Variants in DAG1 observed in about 807,000 individuals in gnomAD.
DAG1 encodes dystroglycan 1, also known as dystroglycan 1 (dystrophin-associated glycoprotein 1).
DAG1 carries 8 observed loss-of-function variants against 46.1 expected under a neutral mutation model. The observed-to-expected ratio is 0.17, with a 90% CI of 0.10 to 0.31. The LOEUF (loss-of-function observed/expected upper bound fraction) is 0.31, where lower values mean the gene tolerates loss of function less well. Among genes scored for constraint, DAG1 ranks in the 10% least tolerant of loss-of-function variants. The pLI is 1.00. For synonymous variants in DAG1, 495 were observed against 481.8 expected, an observed-to-expected ratio of 1.03 and a Z score of -0.36; for missense variants, 1,003 against 1,189.9, an observed-to-expected ratio of 0.84 and a Z score of 2.31.
Position 49,533,311 on chromosome 3 carries a change from A to T in DAG1, c.*112A>T. ...ATTGCCCACCGGGAGCCGACACCTG[A>T]CCTAGCACACACTGACACAGGGGCC... On this transcript the variant is annotated 3_prime_UTR_variant, in exon 3 of 3. Transcript: ENST00000308775. 1 of 1,481,084 alleles carries T rather than the reference A, an allele frequency of 6.8e-7. No individual in the cohort carries two copies. Among genetic ancestry groups the T allele is most frequent in the Admixed American group, 1.9e-5 (1 of 52,122 alleles). The allele number at this position is 1,481,084 out of a possible 1,614,324, so 91.7% of individuals were successfully genotyped here. A position where few individuals can be genotyped will look rare whatever the true frequency, so the allele number is the denominator to read the frequency against.
chr3:49,506,304 C>T (rs1483739385), intron 1 of DAG1, among the ~76,000 whole-genome samples: 1 of 152,174 alleles, frequency 6.6e-6, no homozygotes, highest in African/African-American at 2.4e-5. Context: ...CACTTTATTG[C>T]ACTAGCTAGA....
intron 2 of DAG1, among the ~76,000 whole-genome samples, chr3:49,515,948 A>C (rs148468388): frequency 6.6e-6 from 1 of 152,138 alleles, no homozygotes; most frequent in Non-Finnish European, 1.5e-5. Context: ...ATCGAACCCC[A>C]TATGATCTGG....
intron 1 of DAG1, among the ~76,000 whole-genome samples, chr3:49,474,637 C>T (rs938144169): frequency 6.6e-5 from 10 of 152,132 alleles, no homozygotes; most frequent in Non-Finnish European, 1.2e-4. Context: ...CGAGCCACTG[C>T]GCACCGCCCT....
At chr3:49,499,469 A>G (rs532102784) in intron 1 of DAG1, among the ~76,000 whole-genome samples, 4 of 152,222 alleles carry the variant, frequency 2.6e-5, no homozygotes, top group African/African-American at 9.6e-5. Flanking sequence ...GAGTTTTTCT[A>G]TGGATGAGGA....
intron 1 of DAG1, among the ~76,000 whole-genome samples, chr3:49,495,804 CA>C (rs2050295265): frequency 6.6e-6 from 1 of 152,138 alleles, no homozygotes; most frequent in African/African-American, 2.4e-5. Context: ...CCTGTAACCC[CA>C]GCTACTCAGG....
intron 2 of DAG1, among the ~76,000 whole-genome samples, chr3:49,519,622 A>G (rs984429923): frequency 2.6e-5 from 4 of 152,148 alleles, no homozygotes; most frequent in African/African-American, 9.7e-5. Context: ...TGAACAAAGC[A>G]CACCGGGAAA....
chr3:49,506,024 G>A, intron 1 of DAG1, among the ~76,000 whole-genome samples: 1 of 148,534 alleles, frequency 6.7e-6, no homozygotes, highest in Non-Finnish European at 1.5e-5. Context: ...CTGTTGCCCA[G>A]GCTGGAGTGC....
intron 1 of DAG1, among the ~76,000 whole-genome samples, chr3:49,499,208 G>T (rs936297124): frequency 2.6e-5 from 4 of 152,122 alleles, no homozygotes; most frequent in Admixed American, 6.6e-5. Flanking sequence ...AACTAATAGA[G>T]AGCTGTTGTT....
chr3:49,508,824 C>A (rs752323658), intron 1 of DAG1, among the ~76,000 whole-genome samples: 1 of 152,210 alleles, frequency 6.6e-6, no homozygotes, highest in Non-Finnish European at 1.5e-5. Context: ...CCACTGCACC[C>A]GCCCGCCAGG....
chr3:49,499,631 C>T lies in DAG1; in HGVS notation c.-116-10788C>T, dbSNP rs373772124. ...CCTGAGTGGAACAGAGCCGCCTGTT[C>T]CATAAGGCTGTCTGGACAGAATGGG... On this transcript the variant is annotated intron_variant, in intron 1 of 2. Coordinates refer to ENST00000308775, the MANE Select transcript of DAG1 (RefSeq NM_004393.6). Among the ~76,000 whole-genome samples the T allele has an allele frequency of 7.9e-5, 12 of 152,270 alleles. No individual in the cohort carries two copies. In the East Asian group the frequency reaches 2.1e-3, roughly 27 times the overall value.
intron 1 of DAG1, among the ~76,000 whole-genome samples, chr3:49,496,877 G>A (rs1296011626): frequency 2.0e-5 from 3 of 151,758 alleles, no homozygotes; most frequent in Non-Finnish European, 2.9e-5. Flanking sequence ...CACCCACCTC[G>A]GCCTCCCAAA....
At chr3:49,485,048 T>TTA (rs2049986907) in intron 1 of DAG1, among the ~76,000 whole-genome samples, 7 of 149,620 alleles carry the variant, frequency 4.7e-5, no homozygotes, top group Admixed American at 4.7e-4. Flanking sequence ...GTGCAGTAGC[T>TTA]TAATCTCGGC....
At chr3:49,482,485 A>G (rs2049914199) in intron 1 of DAG1, among the ~76,000 whole-genome samples, 1 of 152,176 alleles carries the variant, frequency 6.6e-6, no homozygotes, top group South Asian at 2.1e-4. Flanking sequence ...AAACTGCCCT[A>G]TGGGGGGAGG....
At chr3:49,502,923 CA>C (rs1422104127) in intron 1 of DAG1, among the ~76,000 whole-genome samples, 1 of 152,186 alleles carries the variant, frequency 6.6e-6, no homozygotes, top group Non-Finnish European at 1.5e-5. Context: ...AGGCATGAGT[CA>C]CCGCGCCCGG....
intron 1 of DAG1, among the ~76,000 whole-genome samples, chr3:49,506,480 A>C (rs1002524527): frequency 4.0e-5 from 6 of 151,870 alleles, no homozygotes; most frequent in African/African-American, 1.5e-4. Flanking sequence ...CTCTGTTCCT[A>C]TTTGTCTGAG....
chr3:49,532,540 C>A lies in DAG1; in HGVS notation c.2029C>A (p.Leu677Met). 2.5e-6 allele frequency: 4 copies of A among 1,613,674 alleles called. No homozygotes were observed. Among genetic ancestry groups the A allele is most frequent in the Non-Finnish European group, 3.4e-6 (4 of 1,179,594 alleles). ...EPCPKEQIAG[L>M]SRRIAEDDGK... Reference sequence around the variant, plus strand: ...CTGCCCCAAGGAGCAGATCGCTGGGCTGAGCCGCCGGATCGCTGAGGATGA... The same window carrying A: ...CTGCCCCAAGGAGCAGATCGCTGGGATGAGCCGCCGGATCGCTGAGGATGA... Residue 677 changes from leucine to methionine, a missense_variant, in exon 3 of 3, where the codon CTG becomes ATG. Physicochemically the swap from Leu to Met is conservative, Grantham distance 15. Transcript: ENST00000308775. This position sits in a 1 kb window ranked among gnomAD's most constrained non-coding sequence, Gnocchi z 5.4.
intron 1 of DAG1, among the ~76,000 whole-genome samples, chr3:49,501,567 T>C (rs1056120312): frequency 6.6e-6 from 1 of 152,168 alleles, no homozygotes; most frequent in Non-Finnish European, 1.5e-5. Context: ...ATCCCAGCAC[T>C]TTGGGAGGCC....
intron 2 of DAG1, among the ~76,000 whole-genome samples, chr3:49,522,750 A>G (rs567021247): frequency 1.3e-5 from 2 of 152,240 alleles, no homozygotes; most frequent in East Asian, 1.9e-4. Flanking sequence ...CTTACTTTCT[A>G]TCTCAGAAGC....
chr3:49,495,936 AAAAC>A (rs2050299199), intron 1 of DAG1, among the ~76,000 whole-genome samples: 1 of 151,882 alleles, frequency 6.6e-6, no homozygotes, highest in Admixed American at 6.6e-5. Context: ...AACAAAAACA[AAAAC>A]AAAAAAACAG....
Sources: gnomAD v4.1 joint callset for allele counts (sites outside exome capture counted in the v4.1 genomes callset) on GRCh38, gnomAD v4.1.1 for gene constraint, Gnocchi (gnomAD v3.1) non-coding constraint, MANE v1.5 for transcripts, NCBI Gene and HGNC (gene_info 2026-07-23, HGNC 2026-07-21) for gene names.